BBIP1: variants seen among roughly 807,000 people sequenced by gnomAD.
BBIP1 encodes the protein BBSome-interacting protein 1.
BBIP1 carries 6 observed loss-of-function variants against 8.9 expected under a neutral mutation model. The ratio of observed to expected loss-of-function variants is 0.67; its 90% CI spans 0.37 to 1.33. BBIP1 has a LOEUF of 1.33. Among genes scored for constraint, BBIP1 ranks in the 40% most tolerant of loss-of-function variants. The probability of loss-of-function intolerance (pLI) is 0.02; values close to 1 mark genes in which losing one functional copy is unlikely to be tolerated. For missense variants in BBIP1, 111 were observed against 109.2 expected, an observed-to-expected ratio of 1.02 and a Z score of -0.07; for synonymous variants, 32 against 33.4, an observed-to-expected ratio of 0.96 and a Z score of 0.14.
At chr10:110,906,908 T>A (rs987292413) in intron 2 of BBIP1, 4 of 152,182 alleles carry the variant, frequency 2.6e-5, no homozygotes, top group African/African-American at 7.2e-5. Flanking sequence ...AATGGGAAAA[T>A]TTTTTTCAAT....
chr10:110,900,295 A>ATAT lies in BBIP1; in HGVS notation c.*62_*64dup, dbSNP rs1408185220. 4 of 1,395,850 alleles carry ATAT rather than the reference A, an allele frequency of 2.9e-6. No homozygotes were observed. The African/African-American group carries it at 5.8e-5, about 20-fold the overall frequency. 86.5% of individuals were successfully genotyped at this position (1,395,850 alleles called of 1,614,324 possible). On this transcript the variant is annotated 3_prime_UTR_variant, in exon 4 of 4. Transcript: ENST00000448814. ...CATACTACTTTCAGCACACAGAAGC[A>ATAT]TATTTTCTAGTTATTGTTAAATAGT...
intron 2 of BBIP1, chr10:110,902,201 AAT>A (rs1266502368): frequency 1.3e-5 from 2 of 153,186 alleles, no homozygotes; most frequent in Admixed American, 6.5e-5. Flanking sequence ...GCAGAACAGA[AAT>A]AGAGTTTCAG....
chr10:110,903,104 G>C (rs142086517), intron 2 of BBIP1: 1 of 152,244 alleles, frequency 6.6e-6, no homozygotes, highest in East Asian at 1.9e-4. Context: ...CTGAAAGGGA[G>C]GACATTATAG....
At chr10:110,901,436 A>G (rs952820250) in intron 3 of BBIP1, 102 bp downstream of exon 3, 2 of 782,210 alleles carry the variant, frequency 2.6e-6, no homozygotes, top group African/African-American at 1.7e-5. Flanking sequence ...TACGGAACAC[A>G]ATAGCTGCAG....
chr10:110,914,293 G>C (rs150487982), intron 2 of BBIP1, among the ~76,000 whole-genome samples: 95 of 151,972 alleles, frequency 6.3e-4, no homozygotes, highest in African/African-American at 2.3e-3. Context: ...TTATTAAGTT[G>C]GGTCCCTTAA....
chr10:110,901,778 A>G lies in BBIP1; in HGVS notation c.38-166T>C, dbSNP rs138350580. ...TTCCTGTGACCTTGGGATAGTTTGTATAAGCATTTAGATCTTGTCAACTTC... is the reference window on the plus strand; with the variant it reads ...TTCCTGTGACCTTGGGATAGTTTGTGTAAGCATTTAGATCTTGTCAACTTC... On this transcript the variant is annotated intron_variant, in intron 2 of 3. Transcript: ENST00000448814. 82 of 605,828 alleles carry G rather than the reference A, an allele frequency of 1.4e-4. 1 individual carries two copies. The highest frequency in any genetic ancestry group is 4.0e-4 in the Middle Eastern group (1 of 2,492). 37.5% of individuals were successfully genotyped at this position (605,828 alleles called of 1,614,324 possible).
intron 2 of BBIP1, chr10:110,906,502 T>C (rs1220035827): frequency 6.6e-6 from 1 of 152,258 alleles, no homozygotes; most frequent in Non-Finnish European, 1.5e-5. Context: ...GACAGCTTTA[T>C]TTTCTCAATT....
chr10:110,911,340 T>G (rs1432186258), intron 2 of BBIP1: 1 of 152,214 alleles, frequency 6.6e-6, no homozygotes, highest in Non-Finnish European at 1.5e-5. Context: ...AAGAGTTATA[T>G]TAAAGGCAGA....
intron 3 of BBIP1, 72 bp downstream of exon 3, chr10:110,901,463 CCTG>C: frequency 8.8e-6 from 9 of 1,020,722 alleles, no homozygotes; most frequent in East Asian, 2.6e-5. Flanking sequence ...AGCTATTAAG[CCTG>C]CTATGTGACA....
At chr10:110,908,765 T>A (rs1032044562) in intron 2 of BBIP1, among the ~76,000 whole-genome samples, 1 of 144,620 alleles carries the variant, frequency 6.9e-6, no homozygotes, top group African/African-American at 2.6e-5. Context: ...AAGCACATGG[T>A]GCATTATGGG....
At chr10:110,908,691 T>C (rs1846200927) in intron 2 of BBIP1, among the ~76,000 whole-genome samples, 1 of 150,974 alleles carries the variant, frequency 6.6e-6, no homozygotes, top group African/African-American at 2.4e-5. Context: ...GTACAGATGA[T>C]GGGGGAGGAA....
chr10:110,905,010 C>T (rs555640267), intron 2 of BBIP1: 1 of 152,324 alleles, frequency 6.6e-6, no homozygotes, highest in Non-Finnish European at 1.5e-5. Context: ...GTTTCCTTTT[C>T]TTACACAGAT....
At chr10:110,915,394 T>C (rs372336712) in intron 2 of BBIP1, among the ~76,000 whole-genome samples, 188 of 152,252 alleles carry the variant, frequency 1.2e-3, no homozygotes, top group African/African-American at 4.2e-3. Flanking sequence ...GCTCAAGTGA[T>C]CTGCCCACCC....
At chr10:110,916,372 A>C (rs764898525) in intron 2 of BBIP1, among the ~76,000 whole-genome samples, 6 of 152,162 alleles carry the variant, frequency 3.9e-5, no homozygotes, top group Non-Finnish European at 8.8e-5. Flanking sequence ...GGCAGTCTTG[A>C]GTTTTCCCTT....
At chr10:110,904,217 A>G (rs976143594) in intron 2 of BBIP1, 2 of 152,106 alleles carry the variant, frequency 1.3e-5, no homozygotes, top group African/African-American at 4.8e-5. Context: ...GTATTCTACA[A>G]TTGCCATGGC....
At chr10:110,909,228 T>G (rs1846214897) in intron 2 of BBIP1, among the ~76,000 whole-genome samples, 1 of 152,056 alleles carries the variant, frequency 6.6e-6, no homozygotes, top group Non-Finnish European at 1.5e-5. Context: ...AGACGGAGTC[T>G]TGCTCTGGCA....
intron 1 of BBIP1, 37 bp from the exon 2 acceptor site, chr10:110,918,250 T>C (rs756250771): frequency 2.0e-5 from 22 of 1,105,186 alleles, no homozygotes; most frequent in Admixed American, 4.3e-5. Flanking sequence ...TAAAGGGCCA[T>C]ATAAAAGCAA....
chr10:110,908,109 A>G (rs2134032737), intron 2 of BBIP1: 1 of 199,962 alleles, frequency 5.0e-6, no homozygotes, highest in Non-Finnish European at 1.0e-5. Context: ...GTATTTACAA[A>G]TAACTAATTT....
At chr10:110,914,890 C>A (rs1846362841) in intron 2 of BBIP1, among the ~76,000 whole-genome samples, 1 of 152,150 alleles carries the variant, frequency 6.6e-6, no homozygotes, top group Non-Finnish European at 1.5e-5. Flanking sequence ...TCTAATAACC[C>A]TTCCTATTTC....
Sources: gnomAD v4.1 joint callset for allele counts (sites outside exome capture counted in the v4.1 genomes callset) on GRCh38, gnomAD v4.1.1 for gene constraint, MANE v1.5 for transcripts, NCBI Gene and HGNC (gene_info 2026-07-23, HGNC 2026-07-21) for gene names.